STRIP1: variants seen among roughly 807,000 people sequenced by gnomAD.
STRIP1 encodes the protein striatin interacting protein 1, also known as striatin-interacting protein 1.
A neutral mutation model predicts 106.2 loss-of-function variants in STRIP1; 63 were observed. That is an observed-to-expected ratio of 0.59 (90% CI 0.48 to 0.73). The LOEUF is 0.73. STRIP1 is among the 30% of genes least tolerant of loss of function. The pLI is 0.00. For missense variants in STRIP1, 857 were observed against 1,074.8 expected (o/e 0.80, Z 2.83); for synonymous variants, 390 against 413.0 (o/e 0.94, Z 0.67).
intron 15 of STRIP1, 138 bp downstream of exon 15, chr1:110,048,007 A>G: frequency 2.8e-6 from 2 of 712,930 alleles, no homozygotes; most frequent in Non-Finnish European, 2.3e-6. Flanking sequence ...AAAAAAAGGA[A>G]ACTACGAGAT....
In STRIP1 at chr1:110,047,764, C is replaced by A; in HGVS notation, c.1564-8C>A. ...CAGACCTGTGTCTGAATGGTCTACTCTTCCCAGATTGCCCTCCTGAAGATC... is the reference window on the plus strand; with the variant it reads ...CAGACCTGTGTCTGAATGGTCTACTATTCCCAGATTGCCCTCCTGAAGATC... On this transcript the variant is annotated splice_region_variant and splice_polypyrimidine_tract_variant and intron_variant, in intron 14 of 20. Coordinates refer to ENST00000369795, the MANE Select transcript of STRIP1 (RefSeq NM_033088.4). 6.4e-7 allele frequency: 1 copy of A among 1,562,362 alleles called. No homozygotes were observed. Among genetic ancestry groups the A allele is most frequent in the Non-Finnish European group, 8.7e-7 (1 of 1,152,134 alleles).
intron 15 of STRIP1, 144 bp from the exon 16 acceptor site, chr1:110,048,968 C>T (rs772970451): frequency 4.1e-5 from 36 of 886,272 alleles, no homozygotes; most frequent in South Asian, 6.6e-5. Flanking sequence ...GGGGAGCCCT[C>T]GGCTGACTTC....
intron 19 of STRIP1, 95 bp from the exon 20 acceptor site, chr1:110,051,588 C>T (rs905229542): frequency 1.6e-6 from 2 of 1,254,142 alleles, no homozygotes; most frequent in Non-Finnish European, 2.2e-6. Context: ...GTCACCCTGA[C>T]AGTAACTTCC....
chr1:110,053,993 T>A lies in STRIP1; in HGVS notation c.*81T>A. 6.5e-7 allele frequency: 1 copy of A among 1,528,130 alleles called. No individual in the cohort carries two copies. The highest frequency in any genetic ancestry group is 8.9e-7 in the Non-Finnish European group (1 of 1,121,818). The allele number at this position is 1,528,130 out of a possible 1,614,324, so 94.7% of individuals were successfully genotyped here. ...GGACTGTCCTAGTTCATTGCTGCAG[T>A]GCTCCCATCCCCCACCAGGTGGCAG... On this transcript the variant is annotated 3_prime_UTR_variant, in exon 21 of 21. Coordinates refer to ENST00000369795, the MANE Select transcript of STRIP1 (RefSeq NM_033088.4).
chr1:110,054,031 G>C lies in STRIP1; in HGVS notation c.*119G>C, dbSNP rs1335262988. 20 of 1,301,760 alleles carry C rather than the reference G, an allele frequency of 1.5e-5. No homozygotes were observed. The highest frequency in any genetic ancestry group is 2.6e-4 in the Middle Eastern group (1 of 3,786). 80.6% of individuals were successfully genotyped at this position (1,301,760 alleles called of 1,614,324 possible). A position where few individuals can be genotyped will look rare whatever the true frequency, so the allele number is the denominator to read the frequency against. Reference sequence around the variant, plus strand: ...CACCAGGTGGCAGCACAGCCCCACTGTGTCTTCCGCAGTCTGTCCTGGGCT... The same window carrying C: ...CACCAGGTGGCAGCACAGCCCCACTCTGTCTTCCGCAGTCTGTCCTGGGCT... On this transcript the variant is annotated 3_prime_UTR_variant, in exon 21 of 21. Transcript: ENST00000369795.
chr1:110,049,000 G>A, intron 15 of STRIP1, 112 bp from the exon 16 acceptor site: 1 of 1,261,008 alleles, frequency 7.9e-7, no homozygotes, highest in Non-Finnish European at 1.1e-6. Context: ...TGGGGTGAGT[G>A]GGGAGGTAGG....
chr1:110,051,671 T>G lies in STRIP1; in HGVS notation c.2062-12T>G. On this transcript the variant is annotated splice_polypyrimidine_tract_variant and intron_variant, in intron 19 of 20. Transcript: ENST00000369795. Reference sequence around the variant, plus strand: ...TCTTCAACTTGGGCTGCTTGCTTGTTTCCCTTCCCAGATGCTGGTGGTGTT... The same window carrying G: ...TCTTCAACTTGGGCTGCTTGCTTGTGTCCCTTCCCAGATGCTGGTGGTGTT... 6.3e-7 allele frequency: 1 copy of G among 1,590,756 alleles called. No individual in the cohort carries two copies.
rs772596407 is a variant in STRIP1 at position 110,045,006 on chromosome 1, A to G, written c.1353-9A>G. ...CGAGGCTCAACACAGGGCCTTCTTT[A>G]TTCTCCAGTGACACGAACACAGTGG... On this transcript the variant is annotated splice_polypyrimidine_tract_variant and intron_variant, in intron 11 of 20. Coordinates refer to ENST00000369795, the MANE Select transcript of STRIP1 (RefSeq NM_033088.4). 5.6e-6 allele frequency: 9 copies of G among 1,614,106 alleles called. No individual in the cohort carries two copies. The highest frequency in any genetic ancestry group is 6.8e-6 in the Non-Finnish European group (8 of 1,179,994).
intron 19 of STRIP1, 43 bp from the exon 20 acceptor site, chr1:110,051,639 AT>A: frequency 6.5e-7 from 1 of 1,544,946 alleles, no homozygotes; most frequent in Non-Finnish European, 8.8e-7. Context: ...GTATGCATTT[AT>A]TTTTGTCTTC....
Position 110,040,634 on chromosome 1 carries a change from G to C in STRIP1, c.582-1G>C, listed in dbSNP as rs1276293301. ...ATGCTGACTCTCAAAATCTCCTGCA[G>C]CAACAGTGCCGCCTGCAGCAGTGCT... is the stretch of plus-strand genomic sequence containing the variant. On this transcript the variant is annotated splice_acceptor_variant, in intron 5 of 20. Coordinates refer to ENST00000369795, the MANE Select transcript of STRIP1 (RefSeq NM_033088.4). LOFTEE classifies it high-confidence loss of function. 1 of 1,610,582 alleles carries C rather than the reference G, an allele frequency of 6.2e-7. No homozygotes were observed. The highest frequency in any genetic ancestry group is 8.5e-7 in the Non-Finnish European group (1 of 1,178,342).
chr1:110,046,765 C>T lies in STRIP1; in HGVS notation c.1488+14C>T, dbSNP rs200085516. 1.2e-5 allele frequency: 20 copies of T among 1,607,026 alleles called. No homozygotes were observed. In the East Asian group the frequency reaches 2.0e-4, roughly 16 times the overall value. The stretch of plus-strand genomic sequence containing the variant: ...CCTCTCTCAGGGGTAAGTTGGAGGT[C>T]CTCAGTCCGGGCGCGGTGGCTCACG... On this transcript the variant is annotated intron_variant, in intron 13 of 20. Coordinates refer to ENST00000369795, the MANE Select transcript of STRIP1 (RefSeq NM_033088.4).
intron 9 of STRIP1, 93 bp from the exon 10 acceptor site, chr1:110,043,546 T>G (rs924611850): frequency 1.7e-6 from 2 of 1,157,778 alleles, no homozygotes; most frequent in South Asian, 2.6e-5. Context: ...TTGCCTCTAC[T>G]GGACACCTGT....
At chr1:110,050,803 C>G (rs577751822) in intron 18 of STRIP1, among the ~76,000 whole-genome samples, 153 bp from the exon 19 acceptor site, 1 of 152,292 alleles carries the variant, frequency 6.6e-6, no homozygotes, top group African/African-American at 2.4e-5. Context: ...CTGCCAGCTT[C>G]TGGGATGGAG....
At position 110,037,944 on chromosome 1, in the gene STRIP1, G is replaced by C. The variant is rs761048079; in HGVS notation, c.234G>C (p.Trp78Cys). The change falls in exon 2 of 21, where the codon TGG (tryptophan) becomes TGC (cysteine). Residue 78 changes from tryptophan (W) to cysteine (C), a missense_variant. This residue lies in a region of STRIP1 where 750 missense variants were observed against 989.8 expected (regional missense o/e 0.76). Transcript: ENST00000369795. ...TTGAGTATGCTGACACAGACAAGTGGGCTGCAGAGCTCTCGGGTAACGCAC... is the reference window on the plus strand; with the variant it reads ...TTGAGTATGCTGACACAGACAAGTGCGCTGCAGAGCTCTCGGGTAACGCAC... Reference protein sequence around the residue: ...LEFEYADTDKWAAELSELYSY... With the variant: ...LEFEYADTDKCAAELSELYSY... 1.2e-6 allele frequency: 2 copies of C among 1,612,042 alleles called. No homozygotes were observed. The highest frequency in any genetic ancestry group is 1.3e-5 in the African/African-American group (1 of 74,656).
chr1:110,052,658 T>TG (rs1653354116), intron 20 of STRIP1, among the ~76,000 whole-genome samples: 1 of 151,912 alleles, frequency 6.6e-6, no homozygotes, highest in Non-Finnish European at 1.5e-5. Context: ...TTTGTAGAGA[T>TG]GGGGTTTCAC....
At chr1:110,033,520 G>A (rs970091814), upstream of STRIP1, among the ~76,000 whole-genome samples, 2 of 152,130 alleles carry the variant, frequency 1.3e-5, no homozygotes, top group Non-Finnish European at 2.9e-5. Context: ...CAAAGTCGAG[G>A]GGTTGCATTT....
At chr1:110,044,341 A>G (rs1216152574) in intron 10 of STRIP1, among the ~76,000 whole-genome samples, 3 of 152,218 alleles carry the variant, frequency 2.0e-5, no homozygotes, top group Non-Finnish European at 2.9e-5. Flanking sequence ...GAAATAGATG[A>G]ACATGTGAGA....
chr1:110,034,550 G>C, upstream of STRIP1: 2 of 1,420,888 alleles, frequency 1.4e-6, no homozygotes, highest in Non-Finnish European at 1.8e-6. Flanking sequence ...TTAATATGGC[G>C]GCCAGGGAAA....
At position 110,050,358 on chromosome 1, in the gene STRIP1, T is replaced by C. The variant is rs754868303; in HGVS notation, c.1905T>C (p.Asp635=). ...ITAKNSISVL[D]YPHCVVHELP... is the part of the protein sequence containing the mutation. Reference sequence around the variant, plus strand: ...CCCTCTGCAGCATTTCTGTCCTGGATTACCCTCACTGCGTGGTGCATGAGC... The same window carrying C: ...CCCTCTGCAGCATTTCTGTCCTGGACTACCCTCACTGCGTGGTGCATGAGC... The change falls in exon 18 of 21, where the codon GAT becomes GAC. Residue 635 remains aspartate (D), a synonymous_variant. Transcript: ENST00000369795. 6.2e-7 allele frequency: 1 copy of C among 1,614,138 alleles called. No individual in the cohort carries two copies. The highest frequency in any genetic ancestry group is 1.1e-5 in the South Asian group (1 of 91,074).
Sources: gnomAD v4.1 joint callset for allele counts (sites outside exome capture counted in the v4.1 genomes callset) on GRCh38, gnomAD v4.1.1 for gene constraint, gnomAD v4.1.1 regional missense constraint, MANE v1.5 for transcripts, NCBI Gene and HGNC (gene_info 2026-07-23, HGNC 2026-07-21) for gene names.